Variants in EVC2 observed in about 807,000 individuals in gnomAD.
EVC2 encodes the protein EvC ciliary complex subunit 2.
A neutral mutation model predicts 149.3 loss-of-function variants in EVC2; 148 were observed. That is an observed-to-expected ratio of 0.99 (90% CI 0.87 to 1.14). EVC2 has a LOEUF of 1.14. Ranked by LOEUF, EVC2 falls within the 50% of genes most tolerant of loss-of-function variation. EVC2 has a pLI of 0.00. For synonymous variants in EVC2, 776 were observed against 649.9 expected, an observed-to-expected ratio of 1.19 and a Z score of -2.95; for missense variants, 1,854 against 1,627.3, an observed-to-expected ratio of 1.14 and a Z score of -2.40.
chr4:5,645,877 C>T (rs1037318017), intron 9 of EVC2, among the ~76,000 whole-genome samples: 1 of 152,198 alleles, frequency 6.6e-6, no homozygotes, highest in African/African-American at 2.4e-5. Context: ...ACAGTCCCAT[C>T]AACAGTGTAT....
chr4:5,546,656 G>C (rs940044971), intron 21 of EVC2, among the ~76,000 whole-genome samples: 2 of 151,520 alleles, frequency 1.3e-5, no homozygotes, highest in African/African-American at 4.9e-5. Flanking sequence ...CATGGCACAT[G>C]TATACATATG....
chr4:5,641,151 G>A (rs10937657), intron 9 of EVC2, among the ~76,000 whole-genome samples: 48,997 of 152,024 alleles, frequency 0.32, 8,639 homozygotes, highest in Non-Finnish European at 0.41. Context: ...AATATATTTG[G>A]AGGATTTAAA....
chr4:5,566,849 G>A (rs941267828), intron 20 of EVC2, among the ~76,000 whole-genome samples: 19 of 152,234 alleles, frequency 1.2e-4, no homozygotes, highest in South Asian at 4.2e-4. Flanking sequence ...TGGCCTCCCC[G>A]CAGCCACACA....
rs551853606 is a variant in EVC2 at position 5,645,279 on chromosome 4, T to C, written c.1146-4441A>G. Among the ~76,000 whole-genome samples, 4 of 151,766 alleles carry C rather than the reference T, an allele frequency of 2.6e-5. No homozygotes were observed. The East Asian group carries it at 7.8e-4, about 29-fold the overall frequency. On this transcript the variant is annotated intron_variant, in intron 9 of 21. Transcript: ENST00000344408. ...TTTTTTTTTTTTCTTAACTTTTAAG[T>C]TCAGGGGTATATGTGTAGGTTTTTT... is the stretch of plus-strand genomic sequence containing the variant.
chr4:5,584,495 A>T, intron 17 of EVC2, 128 bp downstream of exon 17: 1 of 955,648 alleles, frequency 1.0e-6, no homozygotes, highest in Non-Finnish European at 1.6e-6. Context: ...CACTTCGTTT[A>T]ATCCTCACCA....
At chr4:5,704,900 G>A (rs1722038262) in intron 1 of EVC2, among the ~76,000 whole-genome samples, 1 of 151,336 alleles carries the variant, frequency 6.6e-6, no homozygotes, top group Non-Finnish European at 1.5e-5. Flanking sequence ...GTAGAGATGG[G>A]GGTCTCACTA....
intron 20 of EVC2, among the ~76,000 whole-genome samples, chr4:5,568,091 G>T (rs1722410963): frequency 6.6e-6 from 1 of 152,052 alleles, no homozygotes; most frequent in African/African-American, 2.4e-5. Flanking sequence ...ACAAACACAT[G>T]CTCCCACACT....
At chr4:5,608,016 C>G (rs1358118442) in intron 16 of EVC2, among the ~76,000 whole-genome samples, 1 of 151,998 alleles carries the variant, frequency 6.6e-6, no homozygotes, top group Admixed American at 6.5e-5. Flanking sequence ...CCTAACAGCT[C>G]CCTGCAGTCC....
At chr4:5,678,298 G>A (rs958970899) in intron 7 of EVC2, among the ~76,000 whole-genome samples, 1 of 152,202 alleles carries the variant, frequency 6.6e-6, no homozygotes, top group Admixed American at 6.5e-5. Flanking sequence ...CTGGCACTGA[G>A]TCTCTAAGGA....
chr4:5,607,209 A>C (rs1302776950), intron 16 of EVC2, among the ~76,000 whole-genome samples: 1 of 152,108 alleles, frequency 6.6e-6, no homozygotes, highest in East Asian at 1.9e-4. Flanking sequence ...GATGATAAGG[A>C]AACTGGGACC....
chr4:5,694,446 G>C lies in EVC2; in HGVS notation c.339C>G (p.Leu113=). ...GCCCACTAGAGGCTGCAGAAGTTGA[G>C]AGTGGGATGAAGACTTCCATTTTCT... The part of the protein sequence containing the change: ...LDKKMEVFIP[L]STSAASSGPW... The change falls in exon 3 of 22, where the codon CTC becomes CTG. Residue 113 remains leucine, a synonymous_variant. Transcript: ENST00000344408. 3.1e-6 allele frequency: 5 copies of C among 1,614,212 alleles called. No individual in the cohort carries two copies. Among genetic ancestry groups the C allele is most frequent in the Admixed American group, 1.7e-5 (1 of 60,026 alleles).
intron 16 of EVC2, among the ~76,000 whole-genome samples, chr4:5,591,467 G>A (rs1166411134): frequency 1.3e-5 from 2 of 152,132 alleles, no homozygotes; most frequent in Admixed American, 6.5e-5. Context: ...CCCCTCTTGG[G>A]TGGGTGGGTG....
chr4:5,548,669 C>T (rs1376817454), intron 21 of EVC2, among the ~76,000 whole-genome samples: 1 of 152,166 alleles, frequency 6.6e-6, no homozygotes, highest in African/African-American at 2.4e-5. Context: ...TTAGATACCC[C>T]TAAGCCAGAA....
chr4:5,542,827 T>C (rs150465032), exon 23 of EVC2: 58 of 250,880 alleles, frequency 2.3e-4, no homozygotes, highest in Middle Eastern at 1.5e-3. Context: ...GGCCATGACA[T>C]TGTGTCAGCG....
chr4:5,578,819 C>A (rs1270129717), intron 17 of EVC2, among the ~76,000 whole-genome samples: 1 of 152,094 alleles, frequency 6.6e-6, no homozygotes, highest in Non-Finnish European at 1.5e-5. Flanking sequence ...GAAATGCCAT[C>A]ATCTGCTTCG....
rs1249033269 is a variant in EVC2 at position 5,569,933 on chromosome 4, G to A, written c.3361-1293C>T. On this transcript the variant is annotated intron_variant, in intron 19 of 21. Coordinates refer to ENST00000344408, the MANE Select transcript of EVC2 (RefSeq NM_147127.5). This position sits in a 1 kb window ranked among gnomAD's most constrained non-coding sequence, Gnocchi z 4.8. Reference sequence around the variant, plus strand: ...ATACTTGTTCTTCCCTGACCGTCCTGCTCGCCCAGGCCACTGAGCCCTTAC... The same window carrying A: ...ATACTTGTTCTTCCCTGACCGTCCTACTCGCCCAGGCCACTGAGCCCTTAC... Among the ~76,000 whole-genome samples the A allele has an allele frequency of 2.0e-5, 3 of 152,128 alleles. No individual in the cohort carries two copies. Among genetic ancestry groups the A allele is most frequent in the African/African-American group, 4.8e-5 (2 of 41,430 alleles).
Position 5,679,558 on chromosome 4 carries a change from AT to A in EVC2, c.870+1701del, listed in dbSNP as rs2151722167. Among the ~76,000 whole-genome samples, 1 of 152,292 alleles carries A rather than the reference AT, an allele frequency of 6.6e-6. No homozygotes were observed. Among genetic ancestry groups the A allele is most frequent in the African/African-American group, 2.4e-5 (1 of 41,566 alleles). ...TGGCCACTAAATTTATTTTAAAAAT[AT>A]ATGCTGTGCAGGTTTCTTCAGTAAT... On this transcript the variant is annotated intron_variant, in intron 7 of 21. Coordinates refer to ENST00000344408, the MANE Select transcript of EVC2 (RefSeq NM_147127.5). The surrounding 1 kb of genome is among the most constrained non-coding windows in gnomAD (Gnocchi z 5.1).
At chr4:5,650,671 A>AGAGAGAGAGAGCGC (rs35334619) in intron 9 of EVC2, among the ~76,000 whole-genome samples, 3 of 102,456 alleles carry the variant, frequency 2.9e-5, no homozygotes, top group African/African-American at 3.8e-5. Flanking sequence ...AGAGAGAGAG[A>AGAGAGAGAGAGCGC]GCCATTTAAT....
At chr4:5,619,806 G>C (rs1048164755) in intron 14 of EVC2, among the ~76,000 whole-genome samples, 3 of 152,184 alleles carry the variant, frequency 2.0e-5, no homozygotes, top group Non-Finnish European at 4.4e-5. Flanking sequence ...TGGCCCACAA[G>C]ATGTAAGAGG....
Sources: gnomAD v4.1 joint callset for allele counts (sites outside exome capture counted in the v4.1 genomes callset) on GRCh38, gnomAD v4.1.1 for gene constraint, Gnocchi (gnomAD v3.1) non-coding constraint, MANE v1.5 for transcripts, NCBI Gene and HGNC (gene_info 2026-07-23, HGNC 2026-07-21) for gene names.